PCDH9: variants seen among roughly 807,000 people sequenced by gnomAD.
The protein encoded by PCDH9 is protocadherin 9, also known as protocadherin-9.
Under a neutral mutation model 70.6 loss-of-function variants are expected in PCDH9, and 24 were observed. The ratio of observed to expected loss-of-function variants is 0.34; its 90% confidence interval spans 0.25 to 0.48. The LOEUF is 0.48. PCDH9 is among the 20% of genes least tolerant of loss of function. The pLI is 0.99. For missense variants in PCDH9, 1,281 were observed against 1,503.6 expected (o/e 0.85, Z 2.45); for synonymous variants, 562 against 558.5 (o/e 1.01, Z -0.09).
rs573087446 is a variant in PCDH9, at chr13:67,107,483, A to G, written c.3036+117922T>C. Among the ~76,000 whole-genome samples the G allele has an allele frequency of 1.1e-4, 17 of 152,192 alleles. No individual in the cohort carries two copies. In the East Asian group the frequency reaches 3.1e-3, roughly 28 times the overall value. ...AACTACCACTCTGGGCCTCCTCTCC[A>G]CTGAGGGCTATGGACGTCAGAACGA... On this transcript the variant is annotated intron_variant, in intron 2 of 4. Coordinates refer to ENST00000377865, the MANE Select transcript of PCDH9 (RefSeq NM_203487.3).
intron 4 of PCDH9, among the ~76,000 whole-genome samples, chr13:66,330,499 A>G (rs564299677): frequency 1.1e-4 from 16 of 152,288 alleles, no homozygotes; most frequent in African/African-American, 3.9e-4. Flanking sequence ...CTTCAACTAT[A>G]GCCCACTGGA....
At chr13:66,823,347 C>T (rs1403413802) in intron 3 of PCDH9, among the ~76,000 whole-genome samples, 7 of 151,344 alleles carry the variant, frequency 4.6e-5, no homozygotes, top group South Asian at 2.1e-4. Flanking sequence ...TTGAGTCATG[C>T]GCAATTTTTT....
chr13:67,066,076 T>C (rs1434886756), intron 2 of PCDH9, among the ~76,000 whole-genome samples: 1 of 152,108 alleles, frequency 6.6e-6, no homozygotes, highest in Non-Finnish European at 1.5e-5. Flanking sequence ...TTAAGAAATT[T>C]AGTTTTCAAA....
chr13:66,554,440 C>T (rs910888745), intron 4 of PCDH9, among the ~76,000 whole-genome samples: 2 of 151,992 alleles, frequency 1.3e-5, no homozygotes, highest in African/African-American at 4.8e-5. Context: ...TCTAATCTGC[C>T]TTAACATTTT....
chr13:66,618,590 T>C (rs930935683), intron 4 of PCDH9, among the ~76,000 whole-genome samples: 2 of 152,200 alleles, frequency 1.3e-5, no homozygotes, highest in African/African-American at 2.4e-5. Context: ...TTATTTTCTG[T>C]AATATAACTT....
intron 4 of PCDH9, among the ~76,000 whole-genome samples, chr13:66,484,442 G>A (rs566887625): frequency 6.6e-6 from 1 of 152,276 alleles, no homozygotes; most frequent in South Asian, 2.1e-4. Context: ...GTGCGAGGGC[G>A]ATAAAAGAAC....
At chr13:67,104,806 C>T (rs1484635133) in intron 2 of PCDH9, among the ~76,000 whole-genome samples, 5 of 152,230 alleles carry the variant, frequency 3.3e-5, no homozygotes. Context: ...ACCTCAGCCT[C>T]CCAAAGTGCT....
At chr13:66,353,819 C>G (rs1279261436) in intron 4 of PCDH9, among the ~76,000 whole-genome samples, 5 of 152,020 alleles carry the variant, frequency 3.3e-5, no homozygotes, top group African/African-American at 1.2e-4. Flanking sequence ...CTATTTGCTG[C>G]TGTATTTTTA....
At chr13:67,090,560 A>T (rs1293594683) in intron 2 of PCDH9, among the ~76,000 whole-genome samples, 2 of 152,024 alleles carry the variant, frequency 1.3e-5, no homozygotes, top group Non-Finnish European at 2.9e-5. Context: ...TGGAGTGAAT[A>T]AAGAATATTG....
At position 66,825,484 on chromosome 13, in the gene PCDH9, G is replaced by C. The variant is rs71449282; in HGVS notation, c.3138+78020C>G. ...CCCGTGTAGCTGGGACTACAGGCGC[G>C]CGCCACCATGCCCGGCTAATTTTTG... is the stretch of plus-strand genomic sequence containing the variant. On this transcript the variant is annotated intron_variant, in intron 3 of 4. Coordinates refer to ENST00000377865, the MANE Select transcript of PCDH9 (RefSeq NM_203487.3). Among the ~76,000 whole-genome samples the C allele has an allele frequency of 8.9e-3, 1,334 of 149,942 alleles. 4 individuals are homozygous for C. The highest frequency in any genetic ancestry group is 0.013 in the Non-Finnish European group (881 of 67,422).
chr13:67,196,874 T>A (rs547737685), intron 2 of PCDH9, among the ~76,000 whole-genome samples: 1 of 152,120 alleles, frequency 6.6e-6, no homozygotes, highest in Non-Finnish European at 1.5e-5. Flanking sequence ...AATGTGCACA[T>A]TTTCAAACAT....
At chr13:66,632,577 T>C (rs1047050062) in intron 3 of PCDH9, among the ~76,000 whole-genome samples, 9 of 152,148 alleles carry the variant, frequency 5.9e-5, no homozygotes, top group African/African-American at 2.2e-4. Flanking sequence ...ATTGTCATGT[T>C]TACCAAAAAA....
At chr13:67,217,027 T>C (rs1246934505) in intron 2 of PCDH9, 1 of 151,988 alleles carries the variant, frequency 6.6e-6, no homozygotes, top group Non-Finnish European at 1.5e-5. Flanking sequence ...ACAAAAAGTT[T>C]CCTGCCGAAT....
intron 4 of PCDH9, among the ~76,000 whole-genome samples, chr13:66,351,492 AAT>A (rs924618106): frequency 8.5e-5 from 13 of 152,164 alleles, no homozygotes; most frequent in African/African-American, 3.1e-4. Context: ...AAAAACATAT[AAT>A]ATTTTATTTA....
intron 4 of PCDH9, among the ~76,000 whole-genome samples, chr13:66,418,075 C>T (rs4488340): frequency 0.82 from 124,756 of 152,140 alleles, 52,739 homozygotes; most frequent in South Asian, 0.95. Context: ...TCATGAAGTC[C>T]TTGCCCATGC....
intron 4 of PCDH9, among the ~76,000 whole-genome samples, chr13:66,337,457 G>A (rs1472914319): frequency 6.6e-6 from 1 of 152,034 alleles, no homozygotes; most frequent in Non-Finnish European, 1.5e-5. Flanking sequence ...AGAGTAGAAT[G>A]TCTGGCTTTT....
chr13:66,349,812 C>T (rs1236982570), intron 4 of PCDH9, among the ~76,000 whole-genome samples: 1 of 152,146 alleles, frequency 6.6e-6, no homozygotes, highest in Non-Finnish European at 1.5e-5. Context: ...CATGTCTTAA[C>T]AAGGTTGGAA....
chr13:66,313,169 T>C (rs1330611364), intron 4 of PCDH9, among the ~76,000 whole-genome samples: 2 of 152,234 alleles, frequency 1.3e-5, no homozygotes, highest in Non-Finnish European at 2.9e-5. Context: ...TGAATGACAA[T>C]AGTCCAAAGA....
intron 2 of PCDH9, among the ~76,000 whole-genome samples, chr13:67,166,834 A>G (rs1955448765): frequency 6.6e-6 from 1 of 152,082 alleles, no homozygotes; most frequent in African/African-American, 2.4e-5. Context: ...AAAGACCATC[A>G]CTTGTTTATC....
Sources: gnomAD v4.1 joint callset for allele counts (sites outside exome capture counted in the v4.1 genomes callset) on GRCh38, gnomAD v4.1.1 for gene constraint, MANE v1.5 for transcripts, NCBI Gene and HGNC (gene_info 2026-07-23, HGNC 2026-07-21) for gene names.